The following CSMD3 variants were observed in gnomAD, a reference collection of about 807,000 sequenced individuals.
The protein encoded by CSMD3 is CUB and sushi domain-containing protein 3.
CSMD3 carries 177 observed loss-of-function variants against 435.2 expected under a neutral mutation model. The observed-to-expected ratio is 0.41, with a 90% CI of 0.36 to 0.46. CSMD3 has a LOEUF of 0.46. Ranked by LOEUF, CSMD3 falls within the 20% of genes least tolerant of loss-of-function variation. CSMD3 has a pLI of 0.34. For missense variants in CSMD3, 4,265 were observed against 4,504.6 expected (o/e 0.95, Z 1.52); for synonymous variants, 1,656 against 1,520.5 (o/e 1.09, Z -2.07).
intron 45 of CSMD3, among the ~76,000 whole-genome samples, chr8:112,334,101 T>C (rs2130939429): frequency 6.6e-6 from 1 of 152,290 alleles, no homozygotes; most frequent in Middle Eastern, 3.4e-3. Context: ...TGACTGAATA[T>C]CCAACTTTCC....
intron 1 of CSMD3, among the ~76,000 whole-genome samples, chr8:113,414,602 T>A (rs988614876): frequency 9.3e-5 from 14 of 151,096 alleles, no homozygotes; most frequent in African/African-American, 3.4e-4. Flanking sequence ...ATATTATATT[T>A]TTTCTTCTCA....
At chr8:112,856,970 G>A (rs2080679351) in intron 11 of CSMD3, among the ~76,000 whole-genome samples, 1 of 151,744 alleles carries the variant, frequency 6.6e-6, no homozygotes, top group Non-Finnish European at 1.5e-5. Flanking sequence ...AGGGCATCAT[G>A]AAATTAATTT....
chr8:112,861,548 C>T (rs1020203254), intron 10 of CSMD3, among the ~76,000 whole-genome samples: 1 of 151,812 alleles, frequency 6.6e-6, no homozygotes, highest in African/African-American at 2.4e-5. Flanking sequence ...CATTTACTTG[C>T]AGATATTCTA....
At position 112,796,479 on chromosome 8, in the gene CSMD3, G is replaced by A. The variant is rs191759180; in HGVS notation, c.1972+3683C>T. ...TTCTAATCAGATTTAATGAGTTAAT[G>A]TAGGCAAAATAATTGGAATATGCAA... On this transcript the variant is annotated intron_variant, in intron 13 of 70. Transcript: ENST00000297405. Among the ~76,000 whole-genome samples, 388 of 152,090 alleles carry A rather than the reference G, an allele frequency of 2.6e-3. 1 individual carries two copies. Among genetic ancestry groups the A allele is most frequent in the Non-Finnish European group, 2.8e-3 (193 of 67,920 alleles).
intron 24 of CSMD3, among the ~76,000 whole-genome samples, chr8:112,571,947 C>G (rs16883833): frequency 6.7e-6 from 1 of 149,912 alleles, no homozygotes; most frequent in African/African-American, 2.4e-5. Context: ...AAAACCATTA[C>G]GTAAACATTG....
rs541067256 is a variant in CSMD3, at chr8:113,366,146, T to C, written c.179-51353A>G. ...ATCAGTATTTTAGGCAACATTACCC[T>C]GCTTGTTGTCCTTGCTGCCCCAGGT... On this transcript the variant is annotated intron_variant, in intron 1 of 70. Coordinates refer to ENST00000297405, the MANE Select transcript of CSMD3 (RefSeq NM_198123.2). Among the ~76,000 whole-genome samples the C allele has an allele frequency of 7.2e-5, 11 of 152,156 alleles. No homozygotes were observed. The East Asian group carries it at 1.3e-3, about 19-fold the overall frequency.
intron 2 of CSMD3, chr8:113,313,450 T>C (rs1044941490): frequency 5.3e-5 from 8 of 152,164 alleles, no homozygotes; most frequent in Non-Finnish European, 1.0e-4. Flanking sequence ...GCCTCCCAAG[T>C]AGCTGGGTCT....
chr8:113,169,050 C>T (rs2092218219), intron 4 of CSMD3, among the ~76,000 whole-genome samples: 1 of 151,986 alleles, frequency 6.6e-6, no homozygotes, highest in African/African-American at 2.4e-5. Context: ...CTTTCTTCTC[C>T]AACTATTGTC....
intron 1 of CSMD3, among the ~76,000 whole-genome samples, chr8:113,353,242 T>A (rs2094201363): frequency 6.6e-6 from 1 of 152,142 alleles, no homozygotes; most frequent in Non-Finnish European, 1.5e-5. Flanking sequence ...CTTGGGATTG[T>A]AGAATTAAGA....
chr8:113,065,564 A>G (rs945554006), intron 5 of CSMD3, among the ~76,000 whole-genome samples: 3 of 151,800 alleles, frequency 2.0e-5, no homozygotes, highest in Non-Finnish European at 2.9e-5. Flanking sequence ...TTTTTTTTGT[A>G]TTTTTAGTAG....
At chr8:113,415,658 A>G (rs1417672830) in intron 1 of CSMD3, among the ~76,000 whole-genome samples, 3 of 152,172 alleles carry the variant, frequency 2.0e-5, no homozygotes, top group Non-Finnish European at 4.4e-5. Context: ...TATTAGAAAT[A>G]TAACACATTT....
At chr8:112,782,162 T>C (rs921437496) in intron 13 of CSMD3, among the ~76,000 whole-genome samples, 1 of 152,072 alleles carries the variant, frequency 6.6e-6, no homozygotes, top group Non-Finnish European at 1.5e-5. Flanking sequence ...ATAGCTGTTT[T>C]AGGAAGCTCA....
At chr8:113,249,021 C>A (rs1486102381) in intron 3 of CSMD3, among the ~76,000 whole-genome samples, 1 of 151,950 alleles carries the variant, frequency 6.6e-6, no homozygotes, top group Non-Finnish European at 1.5e-5. Flanking sequence ...AAGGGTAGGA[C>A]CAGATAGACA....
At chr8:113,326,510 C>T (rs1237214826) in intron 1 of CSMD3, among the ~76,000 whole-genome samples, 4 of 151,908 alleles carry the variant, frequency 2.6e-5, no homozygotes, top group African/African-American at 9.7e-5. Flanking sequence ...TCTAATATTT[C>T]TATTGTCAAG....
chr8:112,241,842 G>GCACAAA, intron 65 of CSMD3, 57 bp from the exon 66 acceptor site: 2 of 601,416 alleles, frequency 3.3e-6, no homozygotes, highest in Non-Finnish European at 5.7e-6. Context: ...ACATACACAT[G>GCACAAA]CGCACACACA....
chr8:113,184,625 G>A (rs187819132), intron 3 of CSMD3, among the ~76,000 whole-genome samples: 94 of 152,134 alleles, frequency 6.2e-4, no homozygotes, highest in African/African-American at 2.2e-3. Context: ...AACTCAAAAC[G>A]TATGGCCAAA....
intron 3 of CSMD3, among the ~76,000 whole-genome samples, chr8:113,177,922 A>G (rs2092371057): frequency 6.6e-6 from 1 of 152,006 alleles, no homozygotes; most frequent in Non-Finnish European, 1.5e-5. Flanking sequence ...AATATACAAG[A>G]TAAACTTTTA....
intron 2 of CSMD3, among the ~76,000 whole-genome samples, chr8:113,281,037 A>AT (rs2093609417): frequency 6.6e-6 from 1 of 151,212 alleles, no homozygotes; most frequent in African/African-American, 2.4e-5. Context: ...TATAATTTTA[A>AT]TTTTTTCTTT....
chr8:113,419,723 C>A (rs931061243), intron 1 of CSMD3, among the ~76,000 whole-genome samples: 1 of 151,950 alleles, frequency 6.6e-6, no homozygotes, highest in Non-Finnish European at 1.5e-5. Flanking sequence ...CCCATAGTGC[C>A]TTTTATCTCC....
Sources: allele counts gnomAD v4.1 joint callset (sites outside exome capture counted in the v4.1 genomes callset), GRCh38; gene constraint gnomAD v4.1.1; transcripts MANE v1.5; gene names NCBI Gene and HGNC (gene_info 2026-07-23, HGNC 2026-07-21).